The following PPP1R14C variants were observed in gnomAD, a reference collection of about 807,000 sequenced individuals.
The protein encoded by PPP1R14C is protein phosphatase 1 regulatory inhibitor subunit 14C.
In PPP1R14C, 16 loss-of-function variants were observed where a neutral mutation model predicts 20.4. The ratio of observed to expected loss-of-function variants is 0.78; its 90% CI spans 0.53 to 1.19. PPP1R14C has a LOEUF of 1.19. PPP1R14C is among the 50% of genes most tolerant of loss of function. PPP1R14C has a pLI of 0.00. For missense variants in PPP1R14C, 211 were observed against 220.1 expected, an observed-to-expected ratio of 0.96 and a Z score of 0.26; for synonymous variants, 91 against 91.0, an observed-to-expected ratio of 1.00 and a Z score of 0.00.
chr6:150,183,486 G>A (rs892860520), intron 1 of PPP1R14C, among the ~76,000 whole-genome samples: 1 of 152,248 alleles, frequency 6.6e-6, no homozygotes, highest in East Asian at 1.9e-4. Context: ...ATCTGACTGC[G>A]GGTTCTACCA....
intron 1 of PPP1R14C, among the ~76,000 whole-genome samples, chr6:150,147,826 C>G (rs1311171295): frequency 6.6e-6 from 1 of 152,168 alleles, no homozygotes; most frequent in Non-Finnish European, 1.5e-5. Flanking sequence ...TCTTCCCTGA[C>G]TCCCCATTAC....
chr6:150,146,702 A>T (rs1777183972), intron 1 of PPP1R14C, among the ~76,000 whole-genome samples: 1 of 152,102 alleles, frequency 6.6e-6, no homozygotes, highest in Admixed American at 6.5e-5. Flanking sequence ...GCCAGAACAG[A>T]TCTGGGAGGA....
At chr6:150,197,942 C>A (rs561792307) in intron 1 of PPP1R14C, among the ~76,000 whole-genome samples, 1 of 106,432 alleles carries the variant, frequency 9.4e-6, no homozygotes, top group Non-Finnish European at 1.9e-5. Context: ...CCTGGATGCC[C>A]GGCTTTGTGT....
Position 150,143,544 on chromosome 6 carries a change from T to A in PPP1R14C, c.306+46T>A. On this transcript the variant is annotated intron_variant, in intron 1 of 3. Transcript: ENST00000361131. The surrounding 1 kb of genome is among the most constrained non-coding windows in gnomAD (Gnocchi z 5.6). ...GAGGGTCGGGGACCTCTCTAGCTCC[T>A]CTGTGCCCGCGCAGTAATTTTCCCG... is the stretch of plus-strand genomic sequence containing the variant. 2.3e-6 allele frequency: 3 copies of A among 1,323,124 alleles called. No homozygotes were observed. Among genetic ancestry groups the A allele is most frequent in the Non-Finnish European group, 3.1e-6 (3 of 959,826 alleles). 82.0% of individuals were successfully genotyped at this position (1,323,124 alleles called of 1,614,324 possible). A position where few individuals can be genotyped will look rare whatever the true frequency, so the allele number is the denominator to read the frequency against.
intron 1 of PPP1R14C, chr6:150,195,798 C>G: frequency 2.0e-6 from 2 of 981,114 alleles, no homozygotes; most frequent in Non-Finnish European, 2.4e-6. Flanking sequence ...TCTTCCCAAA[C>G]TGAGACACTG....
chr6:150,243,770 C>T lies in PPP1R14C; in HGVS notation c.424-4976C>T, dbSNP rs183194371. On this transcript the variant is annotated intron_variant, in intron 3 of 3. Transcript: ENST00000361131. ...TAATAGCCCCAAACTGGAAACAACC[C>T]ACATTTCTACCAACAGGTGGATGGA... 4.6e-5 allele frequency among the ~76,000 whole-genome samples: 7 copies of T among 152,226 alleles called. No homozygotes were observed. The East Asian group carries it at 1.4e-3, about 29-fold the overall frequency.
At chr6:150,150,734 T>G (rs1777236332) in intron 1 of PPP1R14C, among the ~76,000 whole-genome samples, 1 of 152,170 alleles carries the variant, frequency 6.6e-6, no homozygotes, top group African/African-American at 2.4e-5. Context: ...TCTCCTCCTC[T>G]GCAAGCTAGA....
chr6:150,153,907 G>T (rs75700661), intron 1 of PPP1R14C, among the ~76,000 whole-genome samples: 1,620 of 152,264 alleles, frequency 0.011, 25 homozygotes, highest in African/African-American at 0.037. Context: ...AGATAACATA[G>T]GGCAGGAAAG....
chr6:150,248,252 T>C lies in PPP1R14C; in HGVS notation c.424-494T>C, dbSNP rs112622794. 1.2e-3 allele frequency among the ~76,000 whole-genome samples: 176 copies of C among 152,250 alleles called. 1 individual carries two copies. The highest frequency in any genetic ancestry group is 2.0e-3 in the Non-Finnish European group (135 of 68,004). On this transcript the variant is annotated intron_variant, in intron 3 of 3. Transcript: ENST00000361131. Reference sequence around the variant, plus strand: ...AAATTTGGAGGACACATTCAAACCATAGCAGTCCCCCTGGTGATTCTGATG... The same window carrying C: ...AAATTTGGAGGACACATTCAAACCACAGCAGTCCCCCTGGTGATTCTGATG...
intron 1 of PPP1R14C, among the ~76,000 whole-genome samples, chr6:150,181,231 C>T (rs1441589018): frequency 6.6e-6 from 1 of 152,142 alleles, no homozygotes; most frequent in Non-Finnish European, 1.5e-5. Flanking sequence ...GGCTGGAGTG[C>T]AGTGGCGCGA....
At chr6:150,240,017 G>C (rs1277829916) in intron 3 of PPP1R14C, among the ~76,000 whole-genome samples, 2 of 152,180 alleles carry the variant, frequency 1.3e-5, no homozygotes, top group African/African-American at 4.8e-5. Flanking sequence ...TTGTGCCACT[G>C]CACTCCAGCC....
chr6:150,188,397 A>C (rs1044455434), intron 1 of PPP1R14C, among the ~76,000 whole-genome samples: 12 of 150,928 alleles, frequency 8.0e-5, no homozygotes, highest in Non-Finnish European at 1.8e-4. Flanking sequence ...TTTTAAAAAG[A>C]CCCTTCTGTG....
chr6:150,181,648 C>T (rs1387382010), intron 1 of PPP1R14C, among the ~76,000 whole-genome samples: 1 of 152,212 alleles, frequency 6.6e-6, no homozygotes, highest in East Asian at 1.9e-4. Flanking sequence ...GTCAGCTCTG[C>T]GCTTAGCCTT....
At chr6:150,178,219 T>C (rs1777584398) in intron 1 of PPP1R14C, among the ~76,000 whole-genome samples, 1 of 152,228 alleles carries the variant, frequency 6.6e-6, no homozygotes, top group Non-Finnish European at 1.5e-5. Flanking sequence ...GTGACCTTTC[T>C]TGGGCCCATC....
At chr6:150,206,715 C>T (rs897855499) in intron 1 of PPP1R14C, among the ~76,000 whole-genome samples, 28 of 152,114 alleles carry the variant, frequency 1.8e-4, no homozygotes, top group Non-Finnish European at 3.5e-4. Flanking sequence ...AGTGAACCTT[C>T]GTAGGATATA....
At chr6:150,234,963 A>G (rs948811109) in intron 3 of PPP1R14C, among the ~76,000 whole-genome samples, 28 of 152,140 alleles carry the variant, frequency 1.8e-4, no homozygotes, top group African/African-American at 6.3e-4. Flanking sequence ...AAAAAAGAAT[A>G]CATAAGAGGA....
At chr6:150,214,320 T>C (rs1480453920) in intron 1 of PPP1R14C, among the ~76,000 whole-genome samples, 1 of 152,214 alleles carries the variant, frequency 6.6e-6, no homozygotes, top group Admixed American at 6.5e-5. Flanking sequence ...GGCTCTATCA[T>C]CTGCCAGTCT....
intron 1 of PPP1R14C, among the ~76,000 whole-genome samples, chr6:150,186,603 CAG>C (rs1777679016): frequency 6.6e-6 from 1 of 152,146 alleles, no homozygotes; most frequent in Non-Finnish European, 1.5e-5. Context: ...TCCGGGGCTC[CAG>C]AGTGGTTGAT....
intron 3 of PPP1R14C, among the ~76,000 whole-genome samples, chr6:150,228,526 G>C (rs1455279458): frequency 2.0e-5 from 3 of 152,180 alleles, no homozygotes; most frequent in African/African-American, 7.2e-5. Flanking sequence ...GGCAATCTGA[G>C]AAGCTAACCT....
Sources: allele counts gnomAD v4.1 joint callset (sites outside exome capture counted in the v4.1 genomes callset), GRCh38; gene constraint gnomAD v4.1.1; non-coding constraint Gnocchi (gnomAD v3.1); transcripts MANE v1.5; gene names NCBI Gene and HGNC (gene_info 2026-07-23, HGNC 2026-07-21).